Variants in EPB41 observed in about 807,000 individuals in gnomAD.
EPB41 encodes the protein protein 4.1.
EPB41 carries 65 observed loss-of-function variants against 108.0 expected under a neutral mutation model. The ratio of observed to expected loss-of-function variants is 0.60; its 90% CI spans 0.49 to 0.74. The LOEUF is 0.74. EPB41 is among the 30% of genes least tolerant of loss of function. The pLI is 0.00. For synonymous variants in EPB41, 336 were observed against 358.9 expected, an observed-to-expected ratio of 0.94 and a Z score of 0.72; for missense variants, 875 against 1,037.0, an observed-to-expected ratio of 0.84 and a Z score of 2.15.
At chr1:28,960,207 C>T (rs2095146478) in intron 1 of EPB41, among the ~76,000 whole-genome samples, 1 of 151,532 alleles carries the variant, frequency 6.6e-6, no homozygotes, top group Non-Finnish European at 1.5e-5. Context: ...TGGGGCGTCT[C>T]ATCATGTTAC....
intron 10 of EPB41, 112 bp from the exon 11 acceptor site, chr1:29,039,142 G>A: frequency 8.2e-7 from 1 of 1,214,650 alleles, no homozygotes; most frequent in Non-Finnish European, 1.1e-6. Flanking sequence ...TAACTATATG[G>A]AAACCCTGAG....
intron 16 of EPB41, among the ~76,000 whole-genome samples, chr1:29,080,345 G>A (rs752940126): frequency 3.3e-5 from 5 of 151,066 alleles, no homozygotes; most frequent in Non-Finnish European, 5.9e-5. Flanking sequence ...CAAATGATCC[G>A]CCCACCTTGG....
At chr1:28,911,017 C>A (rs1374106035), upstream of EPB41, 1 of 985,240 alleles carries the variant, frequency 1.0e-6, no homozygotes, top group East Asian at 1.1e-4. Context: ...GGGACCTTTA[C>A]CCTTGGTACC....
At chr1:28,922,563 G>T (rs146543913) in intron 1 of EPB41, among the ~76,000 whole-genome samples, 23 of 151,624 alleles carry the variant, frequency 1.5e-4, no homozygotes, top group African/African-American at 5.3e-4. Flanking sequence ...CTCCTGAGTA[G>T]CTGGGACTAC....
chr1:29,010,456 A>G (rs947260443), intron 4 of EPB41, among the ~76,000 whole-genome samples: 1 of 152,152 alleles, frequency 6.6e-6, no homozygotes, highest in African/African-American at 2.4e-5. Context: ...TATAATTCTT[A>G]TATGTTCACT....
At chr1:29,078,099 G>A (rs1020606636) in intron 16 of EPB41, among the ~76,000 whole-genome samples, 7 of 152,064 alleles carry the variant, frequency 4.6e-5, no homozygotes, top group Admixed American at 6.5e-5. Flanking sequence ...GGTGGCGCAC[G>A]CCTATAATCT....
rs1380181160 is a variant in EPB41, at chr1:29,103,816, C to T, written c.2314-5520C>T. ...CCAAATAGCTGGGACCACAGGCATG[C>T]GCCCCCATGCCCGGCTAATTTTTTT... On this transcript the variant is annotated intron_variant, in intron 17 of 20. Coordinates refer to ENST00000343067, the MANE Select transcript of EPB41 (RefSeq NM_001376013.1). 3.9e-5 allele frequency among the ~76,000 whole-genome samples: 6 copies of T among 152,098 alleles called. No individual in the cohort carries two copies. In the East Asian group the frequency reaches 1.2e-3, roughly 29 times the overall value.
intron 7 of EPB41, among the ~76,000 whole-genome samples, chr1:29,026,636 T>A (rs2096722310): frequency 6.6e-6 from 1 of 152,074 alleles, no homozygotes; most frequent in South Asian, 2.1e-4. Flanking sequence ...TAAATTGAAA[T>A]TTTAAGGCTG....
chr1:28,967,440 AC>A (rs1196521512), intron 1 of EPB41, among the ~76,000 whole-genome samples: 2 of 152,156 alleles, frequency 1.3e-5, no homozygotes, highest in African/African-American at 4.8e-5. Flanking sequence ...GAACTGGTAA[AC>A]TATTTAATGT....
At chr1:29,032,235 A>G (rs1424504872) in intron 8 of EPB41, among the ~76,000 whole-genome samples, 1 of 152,166 alleles carries the variant, frequency 6.6e-6, no homozygotes. Flanking sequence ...AAATGGTTAG[A>G]TTTTGCTTCA....
chr1:28,890,798 C>T (rs1042066048), intron 1 of EPB41: 4 of 504,566 alleles, frequency 7.9e-6, no homozygotes, highest in African/African-American at 2.1e-5. Context: ...GGGAAGTGGC[C>T]GAGCTGGGAT....
intron 17 of EPB41, among the ~76,000 whole-genome samples, chr1:29,106,280 T>TA (rs1286349738): frequency 6.6e-6 from 1 of 152,110 alleles, no homozygotes; most frequent in East Asian, 1.9e-4. Context: ...TAGATAAAGA[T>TA]AGAGTCACAG....
intron 1 of EPB41, among the ~76,000 whole-genome samples, chr1:28,925,834 G>A (rs549399579): frequency 3.5e-4 from 54 of 152,226 alleles, no homozygotes; most frequent in Non-Finnish European, 6.9e-4. Flanking sequence ...ATTTGGAGAC[G>A]GGAGTTCTTG....
At chr1:29,033,313 T>C (rs1268915477) in intron 9 of EPB41, 68 bp downstream of exon 9, 3 of 1,570,028 alleles carry the variant, frequency 1.9e-6, no homozygotes, top group Non-Finnish European at 2.6e-6. Flanking sequence ...TACATTTCCA[T>C]TTTCCTTATT....
At chr1:29,074,770 T>C (rs1366421645) in intron 16 of EPB41, among the ~76,000 whole-genome samples, 1 of 152,184 alleles carries the variant, frequency 6.6e-6, no homozygotes, top group African/African-American at 2.4e-5. Flanking sequence ...TTCCCACATA[T>C]CAGAAATGCA....
chr1:28,892,587 C>A (rs112887202), intron 1 of EPB41, among the ~76,000 whole-genome samples: 82 of 151,906 alleles, frequency 5.4e-4, no homozygotes, highest in Middle Eastern at 3.4e-3. Context: ...CGGTGGCATG[C>A]GCCTATAATC....
chr1:28,973,187 G>C (rs976656847), intron 1 of EPB41, among the ~76,000 whole-genome samples: 2 of 152,028 alleles, frequency 1.3e-5, no homozygotes, highest in African/African-American at 4.8e-5. Flanking sequence ...AATGTCACTA[G>C]TTTCTGTCCT....
chr1:29,001,509 A>T (rs1487940760), intron 4 of EPB41, among the ~76,000 whole-genome samples: 1 of 152,136 alleles, frequency 6.6e-6, no homozygotes, highest in Non-Finnish European at 1.5e-5. Flanking sequence ...GTGTTTTGAT[A>T]GAGTGCTACT....
chr1:28,996,853 G>T (rs1273276201), intron 3 of EPB41, among the ~76,000 whole-genome samples: 1 of 152,002 alleles, frequency 6.6e-6, no homozygotes, highest in East Asian at 1.9e-4. Flanking sequence ...AGAAACCTCA[G>T]GCCAGGTGCA....
Sources: allele counts gnomAD v4.1 joint callset (sites outside exome capture counted in the v4.1 genomes callset), GRCh38; gene constraint gnomAD v4.1.1; transcripts MANE v1.5; gene names NCBI Gene and HGNC (gene_info 2026-07-23, HGNC 2026-07-21).